The following DPH6 variants were observed in gnomAD, a reference collection of about 807,000 sequenced individuals.
The protein encoded by DPH6 is diphthamine biosynthesis 6, also known as diphthine--ammonia ligase.
A neutral mutation model predicts 38.2 loss-of-function variants in DPH6; 33 were observed. That is an observed-to-expected ratio of 0.86 (90% confidence interval 0.65 to 1.15). The LOEUF is 1.15. Ranked by LOEUF, DPH6 falls within the 50% of genes most tolerant of loss-of-function variation. DPH6 has a pLI of 0.00. For synonymous variants in DPH6, 108 were observed against 103.0 expected (o/e 1.05, Z -0.30); for missense variants, 325 against 320.0 (o/e 1.02, Z -0.12).
chr15:35,514,705 A>G (rs1379316965), intron 3 of DPH6, among the ~76,000 whole-genome samples: 1 of 152,212 alleles, frequency 6.6e-6, no homozygotes, highest in Non-Finnish European at 1.5e-5. Flanking sequence ...ACCAGGGGAG[A>G]GAAACTTATC....
chr15:35,220,822 T>A lies in DPH6; in HGVS notation n.201-240A>T, dbSNP rs1032101129. Reference sequence around the variant, plus strand: ...ACAAGGGGCAGTATTGAAAAAAAAATTTTTTTGAAGTATTCCACCTCTAGC... The same window carrying A: ...ACAAGGGGCAGTATTGAAAAAAAAAATTTTTTGAAGTATTCCACCTCTAGC... On this transcript the variant is annotated intron_variant and non_coding_transcript_variant, in intron 3 of 3. Transcript: ENST00000560386. 2.3e-4 allele frequency among the ~76,000 whole-genome samples: 35 copies of A among 151,864 alleles called. 1 individual carries two copies. Among genetic ancestry groups the A allele is most frequent in the Non-Finnish European group, 4.7e-4 (32 of 67,896 alleles).
In DPH6 at chr15:35,241,520, C is replaced by G. The variant is rs1251107939; in HGVS notation, n.201-20938G>C. Among the ~76,000 whole-genome samples the G allele has an allele frequency of 1.4e-5, 2 of 142,468 alleles. 1 individual carries two copies. Among genetic ancestry groups the G allele is most frequent in the Non-Finnish European group, 3.1e-5 (2 of 65,194 alleles). The allele number at this position is 142,468 out of a possible 152,430, so 93.5% of individuals were successfully genotyped here. ...TCTTTTTTAGTTATCTCCACCTGCC[C>G]AGTTCCCTTATTAGGCCGAGATATT... On this transcript the variant is annotated intron_variant and non_coding_transcript_variant, in intron 3 of 3. Transcript: ENST00000560386.
At chr15:35,165,522 A>C in the DPH6 span, among the ~76,000 whole-genome samples, 5 of 151,898 alleles carry the variant, frequency 3.3e-5, no homozygotes, top group Non-Finnish European at 5.9e-5. Flanking sequence ...TTGAAACTCA[A>C]ATTGTTCTAC....
intron 8 of DPH6, 73 bp from the exon 9 acceptor site, chr15:35,372,276 A>G: frequency 8.2e-7 from 1 of 1,223,428 alleles, no homozygotes; most frequent in East Asian, 2.8e-5. Context: ...ATGACACTTC[A>G]AAGATGTAAT....
intron 3 of DPH6, among the ~76,000 whole-genome samples, chr15:35,312,428 C>A (rs2052151049): frequency 1.3e-5 from 2 of 152,124 alleles, no homozygotes; most frequent in Non-Finnish European, 1.5e-5. Flanking sequence ...AACTGGGAAT[C>A]CAGGTGTCCA....
At chr15:35,238,567 C>G (rs2051574028) in intron 3 of DPH6, among the ~76,000 whole-genome samples, 1 of 152,178 alleles carries the variant, frequency 6.6e-6, no homozygotes, top group African/African-American at 2.4e-5. Context: ...CTGTGGTTCT[C>G]TTTCTCTTCT....
intron 1 of DPH6, among the ~76,000 whole-genome samples, chr15:35,544,657 T>C (rs1376698819): frequency 6.6e-6 from 1 of 152,220 alleles, no homozygotes; most frequent in Non-Finnish European, 1.5e-5. Context: ...TGCTTACGTA[T>C]TCATACTTAC....
intron 3 of DPH6, chr15:35,237,917 G>A (rs1595440752): frequency 1.4e-6 from 2 of 1,393,604 alleles, no homozygotes; most frequent in East Asian, 4.6e-5. Flanking sequence ...TGAAGAGGAG[G>A]ACGTGAGTGG....
At chr15:35,413,462 T>C (rs8031712) in intron 5 of DPH6, among the ~76,000 whole-genome samples, 46,467 of 151,416 alleles carry the variant, frequency 0.31, 7,847 homozygotes, top group African/African-American at 0.45. Context: ...GAAAGCTATG[T>C]TGTTATATGT....
intron 3 of DPH6, among the ~76,000 whole-genome samples, chr15:35,336,413 A>C (rs1185475464): frequency 6.6e-6 from 1 of 151,824 alleles, no homozygotes; most frequent in Non-Finnish European, 1.5e-5. Context: ...ACTTCATTTC[A>C]TTCATTTGAT....
chr15:35,367,226 C>A (rs975943147), downstream of DPH6, among the ~76,000 whole-genome samples: 1 of 151,690 alleles, frequency 6.6e-6, no homozygotes, highest in African/African-American at 2.4e-5. Flanking sequence ...TCAACAAGAG[C>A]ACGATTAAAT....
At position 35,486,705 on chromosome 15, in the gene DPH6, T is replaced by A. The variant is rs191997288; in HGVS notation, c.313-31885A>T. On this transcript the variant is annotated intron_variant, in intron 3 of 8. Coordinates refer to ENST00000256538, the MANE Select transcript of DPH6 (RefSeq NM_080650.4). ...CTGCCCCTGACCCTCCCAAATCTCA[T>A]GTCCTTCTCACATTTCAAAACCAAT... Among the ~76,000 whole-genome samples the A allele has an allele frequency of 5.3e-5, 8 of 152,212 alleles. 1 individual carries two copies. The East Asian group carries it at 1.5e-3, about 29-fold the overall frequency.
At chr15:35,386,231 T>C (rs543817553) in intron 6 of DPH6, among the ~76,000 whole-genome samples, 5 of 152,394 alleles carry the variant, frequency 3.3e-5, no homozygotes, top group Admixed American at 6.5e-5. Context: ...CCACATTTTC[T>C]TAATCCAGTC....
chr15:35,354,719 C>T (rs2052544616), intron 3 of DPH6, among the ~76,000 whole-genome samples: 1 of 152,136 alleles, frequency 6.6e-6, no homozygotes, highest in South Asian at 2.1e-4. Context: ...TGATGTTCAT[C>T]AGGGATATTG....
downstream of DPH6, among the ~76,000 whole-genome samples, chr15:35,368,767 T>C (rs202036515): frequency 6.6e-6 from 1 of 151,644 alleles, no homozygotes; most frequent in South Asian, 2.1e-4. Flanking sequence ...TAAAGACACT[T>C]TGAGGGGAAA....
intron 3 of DPH6, among the ~76,000 whole-genome samples, chr15:35,460,265 T>C (rs964106520): frequency 8.5e-5 from 13 of 152,222 alleles, no homozygotes; most frequent in Admixed American, 6.5e-5. Flanking sequence ...AGTGAATGAA[T>C]ATTTATTACT....
At chr15:35,323,940 A>G (rs1271312873) in intron 3 of DPH6, among the ~76,000 whole-genome samples, 1 of 152,164 alleles carries the variant, frequency 6.6e-6, no homozygotes, top group East Asian at 1.9e-4. Flanking sequence ...ATAATCCTTC[A>G]ATAATAGAGT....
At chr15:35,257,105 C>T (rs2051713671) in intron 3 of DPH6, among the ~76,000 whole-genome samples, 1 of 151,956 alleles carries the variant, frequency 6.6e-6, no homozygotes, top group Non-Finnish European at 1.5e-5. Flanking sequence ...CAATACTGGG[C>T]ATTATAAGTG....
At chr15:35,419,068 T>TACACACACACACAC (rs145718698) in intron 5 of DPH6, among the ~76,000 whole-genome samples, 1,609 of 145,016 alleles carry the variant, frequency 0.011, 21 homozygotes, top group African/African-American at 0.027. Flanking sequence ...CACACACACA[T>TACACACACACACAC]ACACACACAC....
Sources: allele counts gnomAD v4.1 joint callset (sites outside exome capture counted in the v4.1 genomes callset), GRCh38; gene constraint gnomAD v4.1.1; transcripts MANE v1.5; gene names NCBI Gene and HGNC (gene_info 2026-07-23, HGNC 2026-07-21).